The following GABRB2 variants were observed in gnomAD, a reference collection of about 807,000 sequenced individuals.
GABRB2 encodes gamma-aminobutyric acid receptor subunit beta-2.
A neutral mutation model predicts 54.7 loss-of-function variants in GABRB2; 16 were observed. The ratio of observed to expected loss-of-function variants is 0.29; its 90% CI spans 0.20 to 0.44. The LOEUF is 0.44. Among genes scored for constraint, GABRB2 ranks in the 20% least tolerant of loss-of-function variants. The probability of loss-of-function intolerance (pLI) is 1.00; values close to 1 mark genes in which losing one functional copy is unlikely to be tolerated. For synonymous variants in GABRB2, 244 were observed against 233.8 expected (o/e 1.04, Z -0.40); for missense variants, 355 against 644.0 (o/e 0.55, Z 4.86).
intron 3 of GABRB2, among the ~76,000 whole-genome samples, chr5:161,535,787 C>T (rs981491582): frequency 6.6e-6 from 1 of 152,168 alleles, no homozygotes; most frequent in African/African-American, 2.4e-5. Context: ...CCCATGTTGA[C>T]ATTTGATCCC....
intron 4 of GABRB2, among the ~76,000 whole-genome samples, chr5:161,428,986 T>C (rs1033882093): frequency 1.3e-5 from 2 of 151,922 alleles, no homozygotes; most frequent in African/African-American, 2.4e-5. Flanking sequence ...AAAATAATTA[T>C]ATTTATTTTT....
At chr5:161,481,551 G>C (rs1001527484) in intron 3 of GABRB2, among the ~76,000 whole-genome samples, 1 of 151,928 alleles carries the variant, frequency 6.6e-6, no homozygotes, top group African/African-American at 2.4e-5. Context: ...ATATCACTTA[G>C]AATAGCCCTA....
Position 161,290,121 on chromosome 5 carries a change from TTTAC to T in GABRB2, c.*3956_*3959del, listed in dbSNP as rs1757195891. 1 of 152,556 alleles carries T rather than the reference TTTAC, an allele frequency of 6.6e-6. No homozygotes were observed. Among genetic ancestry groups the T allele is most frequent in the Admixed American group, 6.6e-5 (1 of 15,254 alleles). The allele number at this position is 152,556 out of a possible 1,614,324, so 9.5% of individuals were successfully genotyped here. On this transcript the variant is annotated 3_prime_UTR_variant, in exon 10 of 10. Transcript: ENST00000393959. ...AATATTTAAGAAATCTGTTTTAATATTTACACACGTTCAGTGAAAGTTATGGTTG... is the reference window on the plus strand; with the variant it reads ...AATATTTAAGAAATCTGTTTTAATATACACGTTCAGTGAAAGTTATGGTTG...
At chr5:161,487,403 T>G (rs972352914) in intron 3 of GABRB2, among the ~76,000 whole-genome samples, 1 of 151,936 alleles carries the variant, frequency 6.6e-6, no homozygotes, top group Non-Finnish European at 1.5e-5. Flanking sequence ...CACACTCTTA[T>G]TGAATGCTTC....
intron 5 of GABRB2, among the ~76,000 whole-genome samples, chr5:161,343,433 G>A (rs766445018): frequency 1.3e-4 from 20 of 151,998 alleles, no homozygotes; most frequent in Middle Eastern, 3.4e-3. Context: ...ATAGGAAATC[G>A]TTAACAATCA....
At chr5:161,314,750 CCTTTT>C (rs1757974779) in intron 9 of GABRB2, among the ~76,000 whole-genome samples, 1 of 151,958 alleles carries the variant, frequency 6.6e-6, no homozygotes, top group South Asian at 2.1e-4. Context: ...TTCCTTCCTT[CCTTTT>C]CTTTCAATAA....
chr5:161,425,260 A>G (rs1452238570), intron 4 of GABRB2, among the ~76,000 whole-genome samples: 2 of 152,170 alleles, frequency 1.3e-5, no homozygotes, highest in Non-Finnish European at 2.9e-5. Flanking sequence ...TTCTATGGGT[A>G]AAATGCTATC....
intron 3 of GABRB2, among the ~76,000 whole-genome samples, chr5:161,463,541 C>A (rs1758177953): frequency 6.2e-5 from 5 of 80,640 alleles, no homozygotes; most frequent in Admixed American, 1.6e-4. Flanking sequence ...CAAGGTGATT[C>A]CAAATATTTT....
intron 5 of GABRB2, among the ~76,000 whole-genome samples, chr5:161,341,937 T>TTATATATA (rs1237952955): frequency 0.05 from 3,775 of 75,094 alleles, 80 homozygotes; most frequent in Admixed American, 0.065. Context: ...ATTTTTTCTT[T>TTATATATA]TATATATATA....
chr5:161,363,844 G>A (rs1716892830), intron 5 of GABRB2, among the ~76,000 whole-genome samples: 1 of 152,208 alleles, frequency 6.6e-6, no homozygotes, highest in African/African-American at 2.4e-5. Flanking sequence ...GGTGTTTCCT[G>A]AATAACCAGA....
At chr5:161,298,213 C>T (rs954090301) in intron 9 of GABRB2, among the ~76,000 whole-genome samples, 3 of 152,166 alleles carry the variant, frequency 2.0e-5, no homozygotes, top group African/African-American at 7.2e-5. Flanking sequence ...AACACTTTCT[C>T]CCATTCTGTA....
rs771671911 is a variant in GABRB2 at position 161,457,898 on chromosome 5, T to C, written c.458+1726A>G. Among the ~76,000 whole-genome samples the C allele has an allele frequency of 3.9e-5, 6 of 152,176 alleles. No homozygotes were observed. In the South Asian group the frequency reaches 1.2e-3, roughly 32 times the overall value. ...TGGGTATACAAAGGAGAATATGACA[T>C]GTCCTGTGCCCTAAAAATAGGTATT... is the stretch of plus-strand genomic sequence containing the variant. On this transcript the variant is annotated intron_variant, in intron 4 of 9. Transcript: ENST00000393959.
intron 5 of GABRB2, among the ~76,000 whole-genome samples, chr5:161,347,607 C>A (rs1160876333): frequency 6.6e-6 from 1 of 152,040 alleles, no homozygotes; most frequent in African/African-American, 2.4e-5. Context: ...CCATGTGATT[C>A]AGTTACCTTC....
At chr5:161,378,153 T>C (rs528022014) in intron 5 of GABRB2, among the ~76,000 whole-genome samples, 2 of 152,272 alleles carry the variant, frequency 1.3e-5, no homozygotes, top group East Asian at 3.9e-4. Context: ...TTACTAGCTT[T>C]GTGTCTTAAC....
At chr5:161,333,858 C>G (rs1466622471) in intron 7 of GABRB2, among the ~76,000 whole-genome samples, 2 of 152,182 alleles carry the variant, frequency 1.3e-5, no homozygotes, top group African/African-American at 4.8e-5. Flanking sequence ...AACTGAACTT[C>G]TAGCAAACCC....
chr5:161,546,567 C>G lies in GABRB2; in HGVS notation c.77G>C (p.Ser26Thr), dbSNP rs768769002. 7 of 1,596,166 alleles carry G rather than the reference C, an allele frequency of 4.4e-6. No homozygotes were observed. The South Asian group carries it at 6.8e-5, about 15-fold the overall frequency. Reference sequence around the variant, plus strand: ...AAAGAGAAACGCTGGGCACACTTACCTCTGCGCACAGACAGCGGCGATTAT... The same window carrying G: ...AAAGAGAAACGCTGGGCACACTTACGTCTGCGCACAGACAGCGGCGATTAT... ...PLIIAAVCAQ[S>T]VNDPSNMSLV... Residue 26 changes from serine (S) to threonine (T), a missense_variant and splice_region_variant, in exon 1 of 10, where the codon AGT (serine) becomes ACT (threonine). Coordinates refer to ENST00000393959, the MANE Select transcript of GABRB2 (RefSeq NM_001371727.1).
intron 5 of GABRB2, among the ~76,000 whole-genome samples, chr5:161,407,073 G>A (rs1281165874): frequency 6.6e-6 from 1 of 152,100 alleles, no homozygotes; most frequent in Non-Finnish European, 1.5e-5. Flanking sequence ...TGGAATTTTA[G>A]TTATTTGAGC....
chr5:161,379,575 T>C lies in GABRB2; in HGVS notation c.541+31400A>G, dbSNP rs145571731. Among the ~76,000 whole-genome samples, 895 of 152,296 alleles carry C rather than the reference T, an allele frequency of 5.9e-3. 9 individuals carry two copies. Among genetic ancestry groups the C allele is most frequent in the African/African-American group, 0.02 (846 of 41,572 alleles). ...ATTCTCAAATTTCATTCCATTTCTA[T>C]TATGTTGATTCGCCTCTTCAGGTGC... is the stretch of plus-strand genomic sequence containing the variant. On this transcript the variant is annotated intron_variant, in intron 5 of 9. Transcript: ENST00000393959.
intron 9 of GABRB2, among the ~76,000 whole-genome samples, chr5:161,299,687 G>T (rs976469928): frequency 6.6e-6 from 1 of 150,868 alleles, no homozygotes; most frequent in African/African-American, 2.4e-5. Flanking sequence ...TTTCTCACCT[G>T]CTCCCTTCTC....
Sources: allele counts gnomAD v4.1 joint callset (sites outside exome capture counted in the v4.1 genomes callset), GRCh38; gene constraint gnomAD v4.1.1; transcripts MANE v1.5; gene names NCBI Gene and HGNC (gene_info 2026-07-23, HGNC 2026-07-21).